SCRG1: variants seen among roughly 807,000 people sequenced by gnomAD.
SCRG1 encodes the protein stimulator of chondrogenesis 1, also known as scrapie-responsive protein 1.
A neutral mutation model predicts 7.7 loss-of-function variants in SCRG1; 3 were observed. The ratio of observed to expected loss-of-function variants is 0.39; its 90% confidence interval spans 0.18 to 1.01. SCRG1 has a LOEUF of 1.01. Among genes scored for constraint, SCRG1 ranks in the 50% least tolerant of loss-of-function variants. The pLI is 0.36. For synonymous variants in SCRG1, 46 were observed against 41.2 expected, an observed-to-expected ratio of 1.12 and a Z score of -0.44; for missense variants, 110 against 117.2, an observed-to-expected ratio of 0.94 and a Z score of 0.28.
chr4:173,484,385 ATT>A, the SCRG1 span, among the ~76,000 whole-genome samples: 4 of 38,182 alleles, frequency 1.0e-4, no homozygotes, highest in African/African-American at 1.9e-4. Flanking sequence ...TATTATGTAT[ATT>A]TTATACATTA....
rs200904157 is a variant in SCRG1 at position 173,391,425 on chromosome 4, G to C, written c.-11C>G. On this transcript the variant is annotated 5_prime_UTR_variant, in exon 2 of 3. Transcript: ENST00000296506. Reference sequence around the variant, plus strand: ...TACCATCAGTTTCATTTTGGCTTTTGGCCCTGAAATAGAAGAAAGACCAAA... The same window carrying C: ...TACCATCAGTTTCATTTTGGCTTTTCGCCCTGAAATAGAAGAAAGACCAAA... 6.2e-7 allele frequency: 1 copy of C among 1,613,710 alleles called. No individual in the cohort carries two copies. The highest frequency in any genetic ancestry group is 8.5e-7 in the Non-Finnish European group (1 of 1,179,724).
At chr4:173,400,046 G>A (rs973069461), upstream of SCRG1, among the ~76,000 whole-genome samples, 1 of 152,178 alleles carries the variant, frequency 6.6e-6, no homozygotes, top group African/African-American at 2.4e-5. Context: ...CATATGCCAT[G>A]CTAAAAAAAT....
At chr4:173,495,192 C>T in the SCRG1 span, among the ~76,000 whole-genome samples, 1 of 152,172 alleles carries the variant, frequency 6.6e-6, no homozygotes, top group Non-Finnish European at 1.5e-5. Flanking sequence ...ACGATATCGT[C>T]GTATTAGTCA....
the SCRG1 span, among the ~76,000 whole-genome samples, chr4:173,479,101 C>T: frequency 6.6e-6 from 1 of 152,046 alleles, no homozygotes; most frequent in African/African-American, 2.4e-5. Context: ...GACAGCATGA[C>T]ATTCATTTCC....
chr4:173,497,133 A>C, the SCRG1 span, among the ~76,000 whole-genome samples: 3 of 152,042 alleles, frequency 2.0e-5, no homozygotes, highest in Non-Finnish European at 2.9e-5. Flanking sequence ...ACAACAACAA[A>C]AAAGAAGAAT....
At chr4:173,394,371 G>A (rs542157294) in intron 1 of SCRG1, among the ~76,000 whole-genome samples, 1 of 152,100 alleles carries the variant, frequency 6.6e-6, no homozygotes, top group Admixed American at 6.5e-5. Context: ...TTGGCCAGGC[G>A]CAGTGGCTCA....
chr4:173,513,837 T>A, the SCRG1 span, among the ~76,000 whole-genome samples: 46 of 152,326 alleles, frequency 3.0e-4, 1 homozygote, highest in South Asian at 9.1e-3. Context: ...TCTGAGAGGA[T>A]GCATAAGAAA....
At chr4:173,458,883 A>G in the SCRG1 span, among the ~76,000 whole-genome samples, 2 of 152,330 alleles carry the variant, frequency 1.3e-5, no homozygotes, top group African/African-American at 4.8e-5. Flanking sequence ...TTCACTTATA[A>G]AGACATACAT....
At chr4:173,470,821 C>G in the SCRG1 span, among the ~76,000 whole-genome samples, 1 of 152,166 alleles carries the variant, frequency 6.6e-6, no homozygotes, top group Non-Finnish European at 1.5e-5. Context: ...TAATAAACTT[C>G]ATAAAAATCA....
At chr4:173,508,577 C>T in the SCRG1 span, among the ~76,000 whole-genome samples, 1 of 152,184 alleles carries the variant, frequency 6.6e-6, no homozygotes, top group Non-Finnish European at 1.5e-5. This position sits in a 1 kb window ranked among gnomAD's most constrained non-coding sequence, Gnocchi z 4.4. Flanking sequence ...CCCGCCCCAG[C>T]CACCGCGGTA....
chr4:173,474,080 T>C, the SCRG1 span, among the ~76,000 whole-genome samples: 1 of 151,936 alleles, frequency 6.6e-6, no homozygotes, highest in Non-Finnish European at 1.5e-5. Flanking sequence ...CTCAGGAGGC[T>C]GAGGCAAGGG....
At chr4:173,401,060 C>T (rs957982444), upstream of SCRG1, among the ~76,000 whole-genome samples, 2 of 152,082 alleles carry the variant, frequency 1.3e-5, no homozygotes, top group East Asian at 3.9e-4. Context: ...GCTGGGAGAA[C>T]AACACGTGCA....
chr4:173,496,303 T>C, the SCRG1 span, among the ~76,000 whole-genome samples: 64 of 151,766 alleles, frequency 4.2e-4, 1 homozygote, highest in Non-Finnish European at 7.4e-5. Flanking sequence ...ATATTTGTCA[T>C]GCTAAGGTAG....
At chr4:173,495,382 G>A in the SCRG1 span, among the ~76,000 whole-genome samples, 4 of 152,274 alleles carry the variant, frequency 2.6e-5, no homozygotes, top group East Asian at 7.7e-4. Flanking sequence ...ACCTATTTCG[G>A]CATGACTTTT....
the SCRG1 span, among the ~76,000 whole-genome samples, chr4:173,453,801 G>A: frequency 1.3e-5 from 2 of 152,174 alleles, no homozygotes; most frequent in East Asian, 1.9e-4. Context: ...GAGCAGCTGG[G>A]TGTGGTGGCT....
chr4:173,428,189 A>G, the SCRG1 span, among the ~76,000 whole-genome samples: 1 of 152,196 alleles, frequency 6.6e-6, no homozygotes, highest in Non-Finnish European at 1.5e-5. Flanking sequence ...TTCACTTTGG[A>G]AACAGGTCAA....
At chr4:173,408,991 C>CAAAAA (rs991902394), upstream of SCRG1, among the ~76,000 whole-genome samples, 636 of 45,954 alleles carry the variant, frequency 0.014, 1 homozygote, top group Middle Eastern at 0.035. Context: ...GACTCAGTCT[C>CAAAAA]AAAAAAAAAA....
chr4:173,460,828 G>A, the SCRG1 span, among the ~76,000 whole-genome samples: 23 of 152,304 alleles, frequency 1.5e-4, no homozygotes, highest in African/African-American at 5.5e-4. Flanking sequence ...GGCCAGAGGG[G>A]AGCCTGCTGC....
At chr4:173,499,075 T>A in the SCRG1 span, among the ~76,000 whole-genome samples, 1,394 of 152,296 alleles carry the variant, frequency 9.2e-3, 18 homozygotes, top group African/African-American at 0.031. The surrounding 1 kb of genome is among the most constrained non-coding windows in gnomAD (Gnocchi z 4.1). Context: ...ATGGGAGCCC[T>A]AAGAATTCAC....
Sources: allele counts gnomAD v4.1 joint callset (sites outside exome capture counted in the v4.1 genomes callset), GRCh38; gene constraint gnomAD v4.1.1; non-coding constraint Gnocchi (gnomAD v3.1); transcripts MANE v1.5; gene names NCBI Gene and HGNC (gene_info 2026-07-23, HGNC 2026-07-21).